The following SUMF1 variants were observed in gnomAD, a reference collection of about 807,000 sequenced individuals.
SUMF1 encodes the protein formylglycine-generating enzyme.
In SUMF1, 48 loss-of-function variants were observed where a neutral mutation model predicts 47.6. That is an observed-to-expected ratio of 1.01 (90% CI 0.80 to 1.28). SUMF1 has a LOEUF of 1.28. Among genes scored for constraint, SUMF1 ranks in the 50% most tolerant of loss-of-function variants. The pLI is 0.00. For missense variants in SUMF1, 571 were observed against 485.4 expected (o/e 1.18, Z -1.66); for synonymous variants, 230 against 192.1 (o/e 1.20, Z -1.63).
intron 8 of SUMF1, among the ~76,000 whole-genome samples, chr3:4,102,813 G>A (rs907222345): frequency 6.6e-6 from 1 of 151,970 alleles, no homozygotes; most frequent in Non-Finnish European, 1.5e-5. Flanking sequence ...AAGGAGTAGG[G>A]AAGAAGAGAA....
intron 9 of SUMF1, among the ~76,000 whole-genome samples, chr3:4,041,778 C>A (rs1341868848): frequency 6.6e-6 from 1 of 152,174 alleles, no homozygotes; most frequent in Admixed American, 6.5e-5. Context: ...CCTGCATGAG[C>A]TATACCTCTT....
chr3:4,333,410 C>T (rs138713389), intron 8 of SUMF1, among the ~76,000 whole-genome samples: 3 of 152,198 alleles, frequency 2.0e-5, no homozygotes, highest in Non-Finnish European at 4.4e-5. Flanking sequence ...CTCACTCTCC[C>T]GCCTCATCGG....
chr3:4,306,301 T>A (rs1197827533), intron 8 of SUMF1, among the ~76,000 whole-genome samples: 1 of 152,220 alleles, frequency 6.6e-6, no homozygotes, highest in Non-Finnish European at 1.5e-5. Context: ...ATAAATTATA[T>A]AAGTATCTCC....
intron 8 of SUMF1, among the ~76,000 whole-genome samples, chr3:4,306,433 T>G (rs1036077567): frequency 6.6e-6 from 1 of 152,196 alleles, no homozygotes; most frequent in African/African-American, 2.4e-5. Flanking sequence ...GAGGAAGCTT[T>G]GTGATTGATT....
chr3:4,285,222 TTAA>T (rs1429952283), intron 8 of SUMF1, among the ~76,000 whole-genome samples: 4 of 152,226 alleles, frequency 2.6e-5, no homozygotes, highest in African/African-American at 9.6e-5. Flanking sequence ...GTAGTTTGAC[TTAA>T]TAGTATCTCC....
At chr3:4,142,069 C>T (rs1268974552) in intron 8 of SUMF1, among the ~76,000 whole-genome samples, 1 of 152,170 alleles carries the variant, frequency 6.6e-6, no homozygotes, top group Non-Finnish European at 1.5e-5. Flanking sequence ...ACAAAAGTAT[C>T]TCCAGGGTAT....
chr3:4,308,989 C>T (rs1698300623), intron 8 of SUMF1, among the ~76,000 whole-genome samples: 1 of 152,136 alleles, frequency 6.6e-6, no homozygotes, highest in Non-Finnish European at 1.5e-5. Context: ...AGACATGAGA[C>T]AACAGTCAAA....
chr3:4,052,277 C>T (rs1222045402), intron 9 of SUMF1, among the ~76,000 whole-genome samples: 1 of 152,138 alleles, frequency 6.6e-6, no homozygotes, highest in Non-Finnish European at 1.5e-5. Context: ...GGCTCCACTG[C>T]CATGATGTAA....
At chr3:4,283,214 C>A (rs1157849172) in intron 8 of SUMF1, among the ~76,000 whole-genome samples, 1 of 152,168 alleles carries the variant, frequency 6.6e-6, no homozygotes, top group African/African-American at 2.4e-5. Context: ...CCACTTTCAA[C>A]TTCTAGAGGC....
At chr3:4,063,183 G>A (rs1047449923) in intron 9 of SUMF1, among the ~76,000 whole-genome samples, 2 of 152,016 alleles carry the variant, frequency 1.3e-5, no homozygotes, top group South Asian at 4.2e-4. Flanking sequence ...GAGCGTTCAG[G>A]GCCTGGCTGG....
intron 8 of SUMF1, among the ~76,000 whole-genome samples, chr3:4,280,495 A>G (rs11927433): frequency 0.053 from 7,687 of 143,890 alleles, 629 homozygotes; most frequent in African/African-American, 0.21. Context: ...CTAATAGAGG[A>G]AAAAAAAAAC....
At chr3:4,255,887 T>C (rs1696940590) in intron 8 of SUMF1, among the ~76,000 whole-genome samples, 1 of 101,064 alleles carries the variant, frequency 9.9e-6, no homozygotes, top group Non-Finnish European at 2.0e-5. Context: ...TCAGCAAATG[T>C]AAAAGAACAG....
intron 7 of SUMF1, among the ~76,000 whole-genome samples, chr3:4,385,357 A>G (rs1700638476): frequency 6.6e-6 from 1 of 152,032 alleles, no homozygotes; most frequent in Non-Finnish European, 1.5e-5. Context: ...TATGGTTTTA[A>G]TTTGTATTTC....
chr3:4,138,120 G>A lies in SUMF1; in HGVS notation c.1015-69375C>T, dbSNP rs570111817. Among the ~76,000 whole-genome samples the A allele has an allele frequency of 4.6e-5, 7 of 152,202 alleles. No homozygotes were observed. The East Asian group carries it at 9.6e-4, about 21-fold the overall frequency. ...ATTTAAAAAGGTTTGGGTCTTTTGC[G>A]ATGAACATGGTAGAAATAAATAAAA... On this transcript the variant is annotated intron_variant and NMD_transcript_variant, in intron 8 of 12. Coordinates refer to the SUMF1 transcript ENST00000448413.
rs540004189 is a variant in SUMF1, at chr3:4,453,513, T to C, written c.271-464A>G. The stretch of plus-strand genomic sequence containing the variant: ...CTCTCAAACAGCTGGAGTACAGACA[T>C]GTGCCACCATGCCCAACTAATTTTT... On this transcript the variant is annotated intron_variant, in intron 1 of 8. Coordinates refer to ENST00000272902, the MANE Select transcript of SUMF1 (RefSeq NM_182760.4). 3.2e-4 allele frequency among the ~76,000 whole-genome samples: 48 copies of C among 151,322 alleles called. No homozygotes were observed. The South Asian group carries it at 9.6e-3, about 30-fold the overall frequency.
At chr3:4,049,802 C>T (rs778594303) in intron 9 of SUMF1, among the ~76,000 whole-genome samples, 11 of 152,090 alleles carry the variant, frequency 7.2e-5, no homozygotes, top group Admixed American at 3.9e-4. Flanking sequence ...CCCAAGCTCT[C>T]GTCCAACATC....
At chr3:4,415,236 A>AT (rs1182556709) in intron 6 of SUMF1, among the ~76,000 whole-genome samples, 5 of 151,758 alleles carry the variant, frequency 3.3e-5, no homozygotes, top group African/African-American at 1.2e-4. Context: ...CAAAAAAAAA[A>AT]AAAAAAAAAC....
chr3:4,293,053 A>C (rs1697771282), intron 8 of SUMF1, among the ~76,000 whole-genome samples: 1 of 152,200 alleles, frequency 6.6e-6, no homozygotes, highest in South Asian at 2.1e-4. Flanking sequence ...AAAAACTGCA[A>C]ATTAAAATGA....
chr3:4,442,285 T>C (rs1227077761), intron 3 of SUMF1, among the ~76,000 whole-genome samples: 1 of 148,800 alleles, frequency 6.7e-6, no homozygotes. Flanking sequence ...AGACGGAGTC[T>C]CGCTCTGTCG....
Sources: allele counts gnomAD v4.1 joint callset (sites outside exome capture counted in the v4.1 genomes callset), GRCh38; gene constraint gnomAD v4.1.1; transcripts MANE v1.5; gene names NCBI Gene and HGNC (gene_info 2026-07-23, HGNC 2026-07-21).